The following SYNPO2 variants were observed in gnomAD, a reference collection of about 807,000 sequenced individuals.
SYNPO2 encodes synaptopodin 2.
In SYNPO2, 56 loss-of-function variants were observed where a neutral mutation model predicts 85.0. The observed-to-expected ratio is 0.66, with a 90% CI of 0.53 to 0.82. The LOEUF is 0.82. SYNPO2 is among the 40% of genes least tolerant of loss of function. The pLI is 0.00. For synonymous variants in SYNPO2, 602 were observed against 591.1 expected, an observed-to-expected ratio of 1.02 and a Z score of -0.27; for missense variants, 1,575 against 1,534.2, an observed-to-expected ratio of 1.03 and a Z score of -0.44.
intron 1 of SYNPO2, among the ~76,000 whole-genome samples, chr4:118,996,745 T>G (rs1578626550): frequency 1.3e-5 from 2 of 150,076 alleles, no homozygotes; most frequent in Middle Eastern, 7.2e-3. Flanking sequence ...TAGTCCCAGT[T>G]ACTCGGGAGG....
chr4:119,046,183 T>C (rs1224438702), intron 4 of SYNPO2, among the ~76,000 whole-genome samples: 1 of 152,212 alleles, frequency 6.6e-6, no homozygotes, highest in Non-Finnish European at 1.5e-5. Context: ...AGTAAAAGTT[T>C]TGTACATTTT....
At chr4:118,901,197 A>G (rs930386399) in intron 1 of SYNPO2, among the ~76,000 whole-genome samples, 1 of 152,178 alleles carries the variant, frequency 6.6e-6, no homozygotes, top group Non-Finnish European at 1.5e-5. Context: ...ATCTTTCTAA[A>G]CATTATGCTT....
intron 1 of SYNPO2, among the ~76,000 whole-genome samples, chr4:118,906,526 A>T (rs1462427030): frequency 2.0e-5 from 3 of 152,182 alleles, no homozygotes; most frequent in Admixed American, 6.5e-5. Context: ...AGCTATTTTA[A>T]ATCAAGACAA....
chr4:119,045,058 A>G (rs1001813800), intron 4 of SYNPO2, among the ~76,000 whole-genome samples: 10 of 152,242 alleles, frequency 6.6e-5, no homozygotes, highest in Non-Finnish European at 1.5e-4. Context: ...TGGTATGCAC[A>G]CATTTCTTAA....
intron 1 of SYNPO2, among the ~76,000 whole-genome samples, chr4:118,959,796 C>A (rs1408894279): frequency 9.7e-6 from 1 of 102,856 alleles, no homozygotes; most frequent in Admixed American, 9.0e-5. Flanking sequence ...GAGGCTCTAT[C>A]CTTTGTCTTT....
At chr4:118,960,760 C>G (rs1735051019) in intron 1 of SYNPO2, among the ~76,000 whole-genome samples, 1 of 152,106 alleles carries the variant, frequency 6.6e-6, no homozygotes, top group Admixed American at 6.6e-5. Flanking sequence ...ATGTCTCAGG[C>G]TTGGGGATTA....
At position 119,054,505 on chromosome 4, in the gene SYNPO2, G is replaced by A. The variant is rs190863428; in HGVS notation, c.3253-2896G>A. Among the ~76,000 whole-genome samples, 69 of 152,248 alleles carry A rather than the reference G, an allele frequency of 4.5e-4. 1 individual carries two copies. Among genetic ancestry groups the A allele is most frequent in the Admixed American group, 1.6e-3 (24 of 15,292 alleles). ...TCAGTGGAGAGAGGAGCTAGACAGC[G>A]AAGAGGATGGGCAGGTTGTCTTCCC... On this transcript the variant is annotated intron_variant, in intron 4 of 4. Transcript: ENST00000307142.
intron 1 of SYNPO2, among the ~76,000 whole-genome samples, chr4:118,927,416 A>G (rs1476191587): frequency 2.0e-5 from 3 of 152,130 alleles, no homozygotes; most frequent in Non-Finnish European, 4.4e-5. Context: ...ACTTTGACAG[A>G]TGAGGAAACT....
intron 1 of SYNPO2, among the ~76,000 whole-genome samples, chr4:118,918,367 G>C (rs1733424856): frequency 1.3e-5 from 2 of 152,100 alleles, no homozygotes; most frequent in African/African-American, 4.8e-5. Context: ...GATGTGTTTG[G>C]CTAAGTGGTT....
chr4:118,897,568 T>C (rs766810739), intron 1 of SYNPO2, among the ~76,000 whole-genome samples: 1 of 152,226 alleles, frequency 6.6e-6, no homozygotes, highest in Non-Finnish European at 1.5e-5. Context: ...AATAGTATCT[T>C]CTGGAGAAAA....
chr4:118,994,432 T>C (rs1292467530), intron 1 of SYNPO2, among the ~76,000 whole-genome samples: 1 of 152,210 alleles, frequency 6.6e-6, no homozygotes, highest in African/African-American at 2.4e-5. Flanking sequence ...TGTTATTAGT[T>C]GAGCCCTGTT....
chr4:118,973,762 TATTA>T (rs1218199097), intron 1 of SYNPO2, among the ~76,000 whole-genome samples: 1 of 152,166 alleles, frequency 6.6e-6, no homozygotes, highest in Admixed American at 6.5e-5. Context: ...CAATTTTGGA[TATTA>T]ATTAGTATCA....
upstream of SYNPO2, among the ~76,000 whole-genome samples, chr4:118,885,877 A>G (rs892888087): frequency 6.6e-6 from 1 of 152,244 alleles, no homozygotes; most frequent in Non-Finnish European, 1.5e-5. Context: ...AAGAATAGGT[A>G]TTAGGGCAGA....
rs1015299966 is a variant in SYNPO2, at chr4:119,031,196, A to G, written c.2421A>G (p.Lys807=). 6.8e-6 allele frequency: 11 copies of G among 1,613,870 alleles called. No individual in the cohort carries two copies. The highest frequency in any genetic ancestry group is 2.7e-5 in the African/African-American group (2 of 74,840). Residue 807 remains lysine, a synonymous_variant, in exon 4 of 5, where the codon AAA becomes AAG. Coordinates refer to ENST00000307142, the MANE Select transcript of SYNPO2 (RefSeq NM_133477.3). The part of the protein sequence containing the change: ...PSKGTVVSSI[K]IAQPSYPPAR... ...AGGGCACCGTTGTCTCCTCCATCAA[A>G]ATAGCCCAGCCTTCTTACCCTCCTG... is the stretch of plus-strand genomic sequence containing the variant.
chr4:118,983,226 A>G (rs541079223), intron 1 of SYNPO2, among the ~76,000 whole-genome samples: 3 of 152,098 alleles, frequency 2.0e-5, no homozygotes, highest in African/African-American at 7.2e-5. Flanking sequence ...GTTCCATCAA[A>G]CATCTCCCTA....
At chr4:118,850,977 A>G (rs544677946) in intron 1 of SYNPO2, 2 of 398,608 alleles carry the variant, frequency 5.0e-6, no homozygotes, top group South Asian at 2.5e-4. Flanking sequence ...TGTCCTCTTT[A>G]TATTTCAATC....
intron 1 of SYNPO2, among the ~76,000 whole-genome samples, chr4:118,868,086 T>G (rs1380113483): frequency 6.6e-6 from 1 of 151,506 alleles, no homozygotes; most frequent in African/African-American, 2.4e-5. Context: ...ATGAAAAATA[T>G]TGGAGTAAGA....
chr4:119,036,878 T>G (rs1022205811), intron 4 of SYNPO2: 2 of 1,156,254 alleles, frequency 1.7e-6, no homozygotes, highest in African/African-American at 3.2e-5. Context: ...CAAACATTTC[T>G]CAAACTTCTG....
chr4:118,974,261 A>C (rs1205836994), intron 1 of SYNPO2, among the ~76,000 whole-genome samples: 1 of 152,246 alleles, frequency 6.6e-6, no homozygotes, highest in Admixed American at 6.5e-5. Flanking sequence ...CAGGTATTGT[A>C]TCTCAGGCCT....
Sources: allele counts gnomAD v4.1 joint callset (sites outside exome capture counted in the v4.1 genomes callset), GRCh38; gene constraint gnomAD v4.1.1; transcripts MANE v1.5; gene names NCBI Gene and HGNC (gene_info 2026-07-23, HGNC 2026-07-21).